The following PCBP3 variants were observed in gnomAD, a reference collection of about 807,000 sequenced individuals.
The protein encoded by PCBP3 is poly(rC)-binding protein 3.
In PCBP3, 25 loss-of-function variants were observed where a neutral mutation model predicts 52.7. The observed-to-expected ratio is 0.47, with a 90% CI of 0.35 to 0.66. The LOEUF is 0.66. Ranked by LOEUF, PCBP3 falls within the 30% of genes least tolerant of loss-of-function variation. The pLI is 0.01. For missense variants in PCBP3, 391 were observed against 490.3 expected (o/e 0.80, Z 1.91); for synonymous variants, 162 against 183.0 (o/e 0.89, Z 0.93).
intron 15 of PCBP3, among the ~76,000 whole-genome samples, chr21:45,932,547 A>G (rs539224581): frequency 6.6e-6 from 1 of 151,840 alleles, no homozygotes; most frequent in Admixed American, 6.5e-5. Flanking sequence ...CCTGAGATGA[A>G]CGAACACCCG....
chr21:45,884,646 G>T (rs894341865), intron 5 of PCBP3, among the ~76,000 whole-genome samples: 1 of 151,872 alleles, frequency 6.6e-6, no homozygotes, highest in Admixed American at 6.6e-5. Flanking sequence ...CTGCAGCCTC[G>T]ACTAACCAGG....
Position 45,837,059 on chromosome 21 carries a change from G to A in PCBP3, c.-125-12902G>A, listed in dbSNP as rs1314194314. On this transcript the variant is annotated intron_variant, in intron 4 of 17. Transcript: ENST00000681687. The surrounding 1 kb of genome is among the most constrained non-coding windows in gnomAD (Gnocchi z 4.1). Reference sequence around the variant, plus strand: ...TTTGGTTTAAGGAAGTGGAATTGCTGCATCATAAAGTCTGTGAAAGGTGAA... The same window carrying A: ...TTTGGTTTAAGGAAGTGGAATTGCTACATCATAAAGTCTGTGAAAGGTGAA... Among the ~76,000 whole-genome samples, 1 of 152,216 alleles carries A rather than the reference G, an allele frequency of 6.6e-6. No individual in the cohort carries two copies. Among genetic ancestry groups the A allele is most frequent in the Non-Finnish European group, 1.5e-5 (1 of 68,048 alleles).
At chr21:45,937,118 G>A (rs1038787375) in intron 16 of PCBP3, among the ~76,000 whole-genome samples, 2 of 152,236 alleles carry the variant, frequency 1.3e-5, no homozygotes, top group Non-Finnish European at 2.9e-5. Context: ...AAAATAAAAT[G>A]GGCGTGCTTG....
chr21:45,727,009 GAA>G (rs902044991), intron 2 of PCBP3, among the ~76,000 whole-genome samples: 1 of 152,170 alleles, frequency 6.6e-6, no homozygotes, highest in African/African-American at 2.4e-5. Flanking sequence ...ACTTGAAGAT[GAA>G]AAGTTTTAAA....
chr21:45,774,803 G>GATAT (rs1205512298), intron 4 of PCBP3, among the ~76,000 whole-genome samples: 1 of 152,162 alleles, frequency 6.6e-6, no homozygotes, highest in Non-Finnish European at 1.5e-5. Flanking sequence ...TCTGTTATGT[G>GATAT]ATATATCATG....
At chr21:45,822,373 A>G (rs1265737854) in intron 4 of PCBP3, among the ~76,000 whole-genome samples, 3 of 152,188 alleles carry the variant, frequency 2.0e-5, no homozygotes, top group African/African-American at 7.2e-5. Context: ...TTAAAACTGG[A>G]CACATCCCCC....
At chr21:45,919,752 C>A (rs1324304965) in intron 13 of PCBP3, among the ~76,000 whole-genome samples, 1 of 152,210 alleles carries the variant, frequency 6.6e-6, no homozygotes, top group Non-Finnish European at 1.5e-5. Context: ...CCACCACACA[C>A]CGGAAGGCAC....
intron 5 of PCBP3, among the ~76,000 whole-genome samples, chr21:45,878,033 T>G (rs1410209879): frequency 1.3e-5 from 2 of 152,216 alleles, no homozygotes; most frequent in Non-Finnish European, 2.9e-5. Context: ...TACCCAGAAG[T>G]GCAGCCACAG....
At chr21:45,913,854 C>A in intron 11 of PCBP3, 97 bp from the exon 12 acceptor site, 2 of 1,133,574 alleles carry the variant, frequency 1.8e-6, no homozygotes, top group Non-Finnish European at 2.5e-6. Flanking sequence ...GGAGCTGGTG[C>A]AGGGGGCTGA....
intron 4 of PCBP3, among the ~76,000 whole-genome samples, chr21:45,806,357 C>T (rs62214592): frequency 0.15 from 23,184 of 151,350 alleles, 1,942 homozygotes; most frequent in Middle Eastern, 0.3. Flanking sequence ...GGCCAGGAGA[C>T]GTGTTCTTCC....
Position 45,650,845 on chromosome 21 carries a change from G to T in PCBP3, c.-279+6977G>T, listed in dbSNP as rs117618771. Among the ~76,000 whole-genome samples, 92 of 152,148 alleles carry T rather than the reference G, an allele frequency of 6.0e-4. No individual in the cohort carries two copies. In the East Asian group the frequency reaches 0.018, roughly 29 times the overall value. ...GCAGTAGCAATTAATCACTTTGGAA[G>T]GGTCGCTAGTCCATTCTGCTCACAT... On this transcript the variant is annotated intron_variant, in intron 1 of 17. Coordinates refer to ENST00000681687, the MANE Select transcript of PCBP3 (RefSeq NM_001384156.1).
intron 4 of PCBP3, among the ~76,000 whole-genome samples, chr21:45,819,600 G>A (rs927896106): frequency 1.3e-5 from 2 of 152,228 alleles, no homozygotes; most frequent in South Asian, 2.1e-4. Context: ...GGGTCAAACC[G>A]CCCACGCAGC....
At chr21:45,738,040 G>T (rs58704780) in intron 3 of PCBP3, among the ~76,000 whole-genome samples, 1 of 152,072 alleles carries the variant, frequency 6.6e-6, no homozygotes, top group Non-Finnish European at 1.5e-5. Flanking sequence ...TGTGTGGTCC[G>T]TGCAGACCTC....
intron 1 of PCBP3, among the ~76,000 whole-genome samples, chr21:45,660,137 A>G (rs2080289210): frequency 6.6e-6 from 1 of 151,810 alleles, no homozygotes; most frequent in South Asian, 2.1e-4. Flanking sequence ...TTTTATATGT[A>G]TACACACACA....
chr21:45,748,369 G>A (rs1169692458), intron 3 of PCBP3, among the ~76,000 whole-genome samples: 1 of 152,204 alleles, frequency 6.6e-6, no homozygotes, highest in Non-Finnish European at 1.5e-5. Flanking sequence ...TGTGTGAATG[G>A]TGTCACAGAG....
chr21:45,815,093 ATGAGTGAGTGGTGAGTGG>A (rs2092850823), intron 4 of PCBP3, among the ~76,000 whole-genome samples: 1 of 2,750 alleles, frequency 3.6e-4, no homozygotes, highest in Non-Finnish European at 6.7e-4. Flanking sequence ...GTGGTGAGTG[ATGAGTGAGTGGTGAGTGG>A]TGAGTGAGTG....
chr21:45,833,300 C>T lies in PCBP3; in HGVS notation c.-125-16661C>T, dbSNP rs79222579. Among the ~76,000 whole-genome samples the T allele has an allele frequency of 5.3e-3, 808 of 152,330 alleles. 4 individuals carry two copies. The highest frequency in any genetic ancestry group is 0.018 in the African/African-American group (754 of 41,572). On this transcript the variant is annotated intron_variant, in intron 4 of 17. Transcript: ENST00000681687. The stretch of plus-strand genomic sequence containing the variant: ...TGTTCACAGTTTTGGACTTTGCTTG[C>T]GGGTTACTTAATGCCATCAGATGGA...
intron 4 of PCBP3, among the ~76,000 whole-genome samples, chr21:45,768,869 G>A (rs896785108): frequency 6.6e-6 from 1 of 152,170 alleles, no homozygotes; most frequent in African/African-American, 2.4e-5. Flanking sequence ...TCGTCCCCTC[G>A]TCTCCACGAC....
chr21:45,905,386 C>T (rs1377347925), intron 9 of PCBP3, among the ~76,000 whole-genome samples: 1 of 152,250 alleles, frequency 6.6e-6, no homozygotes, highest in Non-Finnish European at 1.5e-5. Context: ...AGAGCATCCA[C>T]CGCCATGGGC....
Sources: allele counts gnomAD v4.1 joint callset (sites outside exome capture counted in the v4.1 genomes callset), GRCh38; gene constraint gnomAD v4.1.1; non-coding constraint Gnocchi (gnomAD v3.1); transcripts MANE v1.5; gene names NCBI Gene and HGNC (gene_info 2026-07-23, HGNC 2026-07-21).